PCDH11X: variants seen among roughly 807,000 people sequenced by gnomAD.
PCDH11X encodes protocadherin-11 X-linked.
In PCDH11X, 18 loss-of-function variants were observed where a neutral mutation model predicts 53.3. That is an observed-to-expected ratio of 0.34 (90% CI 0.23 to 0.50). The LOEUF (loss-of-function observed/expected upper bound fraction) is 0.50. PCDH11X is among the 20% of genes least tolerant of loss of function. The pLI, the probability that PCDH11X is intolerant of heterozygous loss-of-function variation, is 0.98. For synonymous variants in PCDH11X, 279 were observed against 393.3 expected (o/e 0.71, Z 3.44); for missense variants, 570 against 1,032.4 (o/e 0.55, Z 6.14).
At chrX:92,403,918 C>A (rs2071452265) in intron 9 of PCDH11X, among the ~76,000 whole-genome samples, 1 of 110,295 alleles carries the variant, frequency 9.1e-6, no homozygotes, top group Non-Finnish European at 1.9e-5. Context: ...CATTTGAGTC[C>A]AATTACTATC....
intron 6 of PCDH11X, among the ~76,000 whole-genome samples, chrX:92,082,785 A>C (rs2063882686): frequency 8.9e-6 from 1 of 112,117 alleles, no homozygotes; most frequent in Non-Finnish European, 1.9e-5. Flanking sequence ...TTTCAGGTTG[A>C]AAATAGCTGG....
chrX:92,506,230 T>TTTTTTTTTTTTG (rs2074058524), intron 10 of PCDH11X, among the ~76,000 whole-genome samples: 1 of 91,145 alleles, frequency 1.1e-5, no homozygotes, highest in Admixed American at 1.2e-4. Flanking sequence ...TTTTTTTTTT[T>TTTTTTTTTTTTG]TTTTTTTTGC....
At chrX:91,886,524 TATG>T (rs1161532840) in intron 6 of PCDH11X, among the ~76,000 whole-genome samples, 1 of 111,078 alleles carries the variant, frequency 9.0e-6, no homozygotes, top group Non-Finnish European at 1.9e-5. Flanking sequence ...TTTTTAATGA[TATG>T]ATATTTAAGC....
intron 7 of PCDH11X, among the ~76,000 whole-genome samples, chrX:92,210,302 G>A (rs1247421484): frequency 2.2e-5 from 2 of 89,473 alleles, no homozygotes; most frequent in African/African-American, 4.3e-5. Flanking sequence ...ACAGTGGTGC[G>A]ATCTCAGCTC....
At chrX:92,112,108 CAA>C (rs1298986415) in intron 6 of PCDH11X, among the ~76,000 whole-genome samples, 9 of 72,252 alleles carry the variant, frequency 1.2e-4, no homozygotes, top group Non-Finnish European at 1.4e-4. Context: ...CCAGGAATAC[CAA>C]AAAAAAAAAA....
chrX:92,076,061 G>A (rs1165731811), intron 6 of PCDH11X, among the ~76,000 whole-genome samples: 1 of 109,660 alleles, frequency 9.1e-6, no homozygotes, highest in Non-Finnish European at 1.9e-5. Context: ...AAAATTAATT[G>A]CATTGGAAGA....
intron 10 of PCDH11X, among the ~76,000 whole-genome samples, chrX:92,543,950 C>G (rs1308863992): frequency 6.6e-5 from 7 of 106,007 alleles, no homozygotes; most frequent in Non-Finnish European, 1.2e-4. Flanking sequence ...CCACAAAACT[C>G]TGTAAGTAGG....
intron 5 of PCDH11X, among the ~76,000 whole-genome samples, chrX:91,844,850 A>G (rs1376318017): frequency 9.3e-6 from 1 of 108,012 alleles, no homozygotes; most frequent in Non-Finnish European, 1.9e-5. Context: ...AACAGCCTGC[A>G]TCCTAAGGAC....
Position 92,087,657 on chromosome X carries a change from C to T in PCDH11X, c.3034-113718C>T, listed in dbSNP as rs188850586. Among the ~76,000 whole-genome samples, 9 of 110,516 alleles carry T rather than the reference C, an allele frequency of 8.1e-5. No homozygotes were observed. In the Admixed American group the frequency reaches 8.8e-4, roughly 11 times the overall value. On this transcript the variant is annotated intron_variant, in intron 6 of 10. Coordinates refer to ENST00000682573, the MANE Select transcript of PCDH11X (RefSeq NM_032968.5). Reference sequence around the variant, plus strand: ...TAATTTTAATATTTAACTTTTCCTCCACACACAGACAGGTTTGTACATAAT... The same window carrying T: ...TAATTTTAATATTTAACTTTTCCTCTACACACAGACAGGTTTGTACATAAT...
At chrX:92,368,683 G>A (rs912876356) in intron 8 of PCDH11X, among the ~76,000 whole-genome samples, 7 of 111,107 alleles carry the variant, frequency 6.3e-5, no homozygotes, top group Admixed American at 4.8e-4. Flanking sequence ...GGGCTTTTGC[G>A]TGGGGGTCCT....
intron 9 of PCDH11X, among the ~76,000 whole-genome samples, chrX:92,461,782 A>AG (rs1282222232): frequency 4.5e-5 from 5 of 111,073 alleles, no homozygotes; most frequent in African/African-American, 1.6e-4. Flanking sequence ...AACCCACAGA[A>AG]GGGGGGGAAA....
chrX:91,942,587 C>T (rs1248030984), intron 6 of PCDH11X, among the ~76,000 whole-genome samples: 2 of 110,589 alleles, frequency 1.8e-5, no homozygotes, highest in African/African-American at 6.5e-5. Context: ...ACAAAGGAGA[C>T]GGCAAGCCCA....
At chrX:92,216,653 C>T (rs2066721858) in intron 7 of PCDH11X, among the ~76,000 whole-genome samples, 1 of 79,494 alleles carries the variant, frequency 1.3e-5, no homozygotes, top group African/African-American at 4.7e-5. Flanking sequence ...GGAGAACTTC[C>T]CCAATCTAGC....
chrX:92,403,720 T>G (rs1223648771), intron 9 of PCDH11X, among the ~76,000 whole-genome samples: 4 of 111,385 alleles, frequency 3.6e-5, no homozygotes, highest in Non-Finnish European at 7.5e-5. Flanking sequence ...ATGTGTTTTT[T>G]CAAGGGCAAG....
chrX:92,182,459 G>T (rs1446633983), intron 6 of PCDH11X, among the ~76,000 whole-genome samples: 2 of 111,521 alleles, frequency 1.8e-5, no homozygotes, highest in East Asian at 2.8e-4. Flanking sequence ...GGGAAGGCAT[G>T]ATTGGTTTTG....
At chrX:92,007,850 A>G (rs1282790943) in intron 6 of PCDH11X, among the ~76,000 whole-genome samples, 1 of 111,303 alleles carries the variant, frequency 9.0e-6, no homozygotes. Context: ...AGGGCTCTTC[A>G]GTTAGCAGAC....
At chrX:92,577,105 T>C (rs1923075297) in intron 10 of PCDH11X, among the ~76,000 whole-genome samples, 1 of 109,024 alleles carries the variant, frequency 9.2e-6, no homozygotes, top group Non-Finnish European at 1.9e-5. Context: ...TTTGGAATAG[T>C]TTCAGAAAAA....
chrX:92,321,199 T>G (rs1341409667), intron 8 of PCDH11X, among the ~76,000 whole-genome samples: 248 of 99,749 alleles, frequency 2.5e-3, no homozygotes, highest in African/African-American at 8.9e-3. Context: ...TTTTTGTTTT[T>G]TTTTTTTTTT....
At chrX:91,882,486 G>T (rs1232120652) in intron 6 of PCDH11X, among the ~76,000 whole-genome samples, 1 of 111,314 alleles carries the variant, frequency 9.0e-6, no homozygotes, top group Non-Finnish European at 1.9e-5. Flanking sequence ...AAAATAGAGA[G>T]GAGAATAAAA....
Sources: gnomAD v4.1 joint callset for allele counts (sites outside exome capture counted in the v4.1 genomes callset) on GRCh38, gnomAD v4.1.1 for gene constraint, MANE v1.5 for transcripts, NCBI Gene and HGNC (gene_info 2026-07-23, HGNC 2026-07-21) for gene names.